Variants in TTC6 observed in about 807,000 individuals in gnomAD.
TTC6 encodes tetratricopeptide repeat domain 6, also known as tetratricopeptide repeat protein 6.
In TTC6, 172 loss-of-function variants were observed where a neutral mutation model predicts 210.4. That is an observed-to-expected ratio of 0.82 (90% confidence interval 0.72 to 0.93). The LOEUF is 0.93. TTC6 is among the 40% of genes least tolerant of loss of function. The pLI, the probability that TTC6 is intolerant of heterozygous loss-of-function variation, is 0.00. For synonymous variants in TTC6, 804 were observed against 819.6 expected, an observed-to-expected ratio of 0.98 and a Z score of 0.32; for missense variants, 2,414 against 2,318.1, an observed-to-expected ratio of 1.04 and a Z score of -0.85.
chr14:37,610,049 T>C (rs1002225562), intron 2 of TTC6, among the ~76,000 whole-genome samples: 3 of 152,130 alleles, frequency 2.0e-5, no homozygotes, highest in African/African-American at 7.2e-5. Context: ...CCTTAGAGGG[T>C]GGATTATGAT....
chr14:37,750,871 CAGA>C (rs1405356898), intron 12 of TTC6, among the ~76,000 whole-genome samples, 179 bp from the exon 15 acceptor site: 3 of 151,848 alleles, frequency 2.0e-5, no homozygotes, highest in Non-Finnish European at 4.4e-5. Flanking sequence ...GCCTTGGTGA[CAGA>C]AGGAGATCCT....
chr14:37,617,682 C>T (rs149345798), upstream of TTC6, among the ~76,000 whole-genome samples: 2 of 152,092 alleles, frequency 1.3e-5, no homozygotes, highest in African/African-American at 4.8e-5. Context: ...CTCATTTCTC[C>T]CACTGATATT....
chr14:37,596,613 GTGTGACCGTTTGTATATTTCTGAGCA>G, intron 1 of TTC6, among the ~76,000 whole-genome samples: 1 of 152,246 alleles, frequency 6.6e-6, no homozygotes, highest in African/African-American at 2.4e-5. Context: ...TGTTTTGAGT[GTGTGACCGTTTGTATATTTCTGAGCA>G]TGTGTGACTG....
chr14:37,644,687 C>T (rs189099448), intron 1 of TTC6, among the ~76,000 whole-genome samples: 1 of 152,292 alleles, frequency 6.6e-6, no homozygotes, highest in East Asian at 1.9e-4. Flanking sequence ...ATTCACTCTT[C>T]CAGCAAAGTT....
intron 28 of TTC6, 128 bp from the exon 31 acceptor site, chr14:37,827,068 G>T: frequency 1.5e-6 from 1 of 657,126 alleles, no homozygotes; most frequent in African/African-American, 1.9e-5. Flanking sequence ...TGTTCTACTG[G>T]AGTTTTACAT....
chr14:37,618,616 T>A (rs531693585), upstream of TTC6, among the ~76,000 whole-genome samples: 1 of 151,918 alleles, frequency 6.6e-6, no homozygotes, highest in South Asian at 2.1e-4. Flanking sequence ...TTTTATGTAT[T>A]TTGTGTTGTA....
chr14:37,756,100 C>T (rs551169224), intron 14 of TTC6, among the ~76,000 whole-genome samples: 2 of 152,062 alleles, frequency 1.3e-5, no homozygotes, highest in African/African-American at 2.4e-5. Flanking sequence ...ATATTTTATT[C>T]TCTTTGTAGC....
At chr14:37,652,979 A>G (rs948985996) in intron 1 of TTC6, among the ~76,000 whole-genome samples, 4 of 152,210 alleles carry the variant, frequency 2.6e-5, no homozygotes, top group Non-Finnish European at 5.9e-5. Flanking sequence ...AAATAACTTA[A>G]TTTTTCTATG....
intron 1 of TTC6, among the ~76,000 whole-genome samples, chr14:37,596,599 C>T (rs972214622): frequency 6.6e-6 from 1 of 152,106 alleles, no homozygotes; most frequent in South Asian, 2.1e-4. Context: ...GGAGATGGTG[C>T]GTGTGTTTTG....
In TTC6 at chr14:37,606,532, T is replaced by C. The variant is rs553830916; in HGVS notation, c.-234-131T>C. 7.7e-5 allele frequency: 12 copies of C among 156,772 alleles called. 1 individual carries two copies. The highest frequency in any genetic ancestry group is 6.4e-3 in the Middle Eastern group (2 of 314). 9.7% of individuals were successfully genotyped at this position (156,772 alleles called of 1,614,324 possible). A position where few individuals can be genotyped will look rare whatever the true frequency, so the allele number is the denominator to read the frequency against. On this transcript the variant is annotated intron_variant, in intron 1 of 2. Coordinates refer to the TTC6 transcript ENST00000556845. ...AGCTTCAGCTCTCGCCAGTCTCTGTTAACACCTCCTTTTCCCCCGTTGCCC... is the reference window on the plus strand; with the variant it reads ...AGCTTCAGCTCTCGCCAGTCTCTGTCAACACCTCCTTTTCCCCCGTTGCCC...
intron 20 of TTC6, among the ~76,000 whole-genome samples, chr14:37,804,466 C>G (rs563463604): frequency 1.3e-5 from 2 of 152,256 alleles, no homozygotes; most frequent in South Asian, 2.1e-4. Flanking sequence ...GGATAGGCAC[C>G]TGGGTGGGAC....
At chr14:37,696,069 C>T (rs1283910560) in intron 3 of TTC6, among the ~76,000 whole-genome samples, 1 of 152,136 alleles carries the variant, frequency 6.6e-6, no homozygotes, top group Non-Finnish European at 1.5e-5. Flanking sequence ...TTCTTCATTA[C>T]TTCATCACCC....
At chr14:37,769,758 T>A (rs1278637302) in intron 14 of TTC6, among the ~76,000 whole-genome samples, 2 of 152,012 alleles carry the variant, frequency 1.3e-5, no homozygotes, top group Non-Finnish European at 2.9e-5. Flanking sequence ...AACCAGCTCC[T>A]GGATTCATTA....
intron 14 of TTC6, among the ~76,000 whole-genome samples, chr14:37,779,837 G>T (rs972862673): frequency 1.3e-5 from 2 of 152,092 alleles, no homozygotes; most frequent in African/African-American, 4.8e-5. Context: ...GTGTCTCAGG[G>T]GGCCTCATAT....
chr14:37,694,007 C>G (rs1050263487), intron 3 of TTC6, among the ~76,000 whole-genome samples: 11 of 148,954 alleles, frequency 7.4e-5, no homozygotes, highest in African/African-American at 2.7e-4. Context: ...AACAAACAAA[C>G]AAACAAACAC....
chr14:37,717,804 G>A (rs1391987112), intron 6 of TTC6, among the ~76,000 whole-genome samples: 1 of 152,134 alleles, frequency 6.6e-6, no homozygotes. Flanking sequence ...CAGTATCCTT[G>A]CTATGGTTCA....
At chr14:37,713,047 A>T (rs2138749930) in intron 5 of TTC6, among the ~76,000 whole-genome samples, 1 of 152,284 alleles carries the variant, frequency 6.6e-6, no homozygotes, top group African/African-American at 2.4e-5. Flanking sequence ...GGAAGCCAGC[A>T]CTGGCAACAT....
chr14:37,841,518 C>T (rs746237537), exon 30 of TTC6: 6 of 1,600,612 alleles, frequency 3.7e-6, no homozygotes, highest in South Asian at 1.1e-5. Flanking sequence ...CGAGCTATTA[C>T]AAATACAATA....
At chr14:37,764,048 C>T (rs1044125633) in intron 14 of TTC6, among the ~76,000 whole-genome samples, 7 of 151,976 alleles carry the variant, frequency 4.6e-5, no homozygotes, top group African/African-American at 1.7e-4. Flanking sequence ...TTCCCTTTGA[C>T]CTATCTGCCA....
Sources: gnomAD v4.1 joint callset for allele counts (sites outside exome capture counted in the v4.1 genomes callset) on GRCh38, gnomAD v4.1.1 for gene constraint, MANE v1.5 for transcripts, NCBI Gene and HGNC (gene_info 2026-07-23, HGNC 2026-07-21) for gene names.